RNF2: variants seen among roughly 807,000 people sequenced by gnomAD.
RNF2 encodes the protein ring finger protein 2.
A neutral mutation model predicts 37.2 loss-of-function variants in RNF2; 6 were observed. That is an observed-to-expected ratio of 0.16 (90% CI 0.09 to 0.32). The LOEUF (loss-of-function observed/expected upper bound fraction) is 0.32, where lower values mean the gene tolerates loss of function less well. Ranked by LOEUF, RNF2 falls within the 10% of genes least tolerant of loss-of-function variation. The probability of loss-of-function intolerance (pLI) is 1.00; values close to 1 mark genes in which losing one functional copy is unlikely to be tolerated. For missense variants in RNF2, 251 were observed against 404.0 expected (o/e 0.62, Z 3.25); for synonymous variants, 133 against 132.7 (o/e 1.00, Z -0.02).
At position 185,096,981 on chromosome 1, in the gene RNF2, C is replaced by T. The variant is rs1651930996; in HGVS notation, c.465-1091C>T. On this transcript the variant is annotated intron_variant, in intron 4 of 6. Coordinates refer to ENST00000367510, the MANE Select transcript of RNF2 (RefSeq NM_007212.4). ...TCATATTTCTTTTTCATTATATATT[C>T]CTTTTTTCTTATCTATACAGGTAGG... 4.6e-5 allele frequency among the ~76,000 whole-genome samples: 7 copies of T among 152,004 alleles called. No homozygotes were observed. In the South Asian group the frequency reaches 1.5e-3, roughly 32 times the overall value.
intron 1 of RNF2, among the ~76,000 whole-genome samples, chr1:185,075,138 C>T (rs536445195): frequency 2.6e-5 from 4 of 152,188 alleles, no homozygotes; most frequent in African/African-American, 7.2e-5. Flanking sequence ...GGATTACAGG[C>T]ACCCATCACC....
chr1:185,065,578 C>CA (rs1650776010), intron 1 of RNF2, among the ~76,000 whole-genome samples: 1 of 152,120 alleles, frequency 6.6e-6, no homozygotes, highest in South Asian at 2.1e-4. Flanking sequence ...CCAGACGCGC[C>CA]ACCTTTAAGA....
chr1:185,101,817 ATC>A lies in RNF2; in HGVS notation c.*1518_*1519del, dbSNP rs1383851553. 7.2e-6 allele frequency: 1 copy of A among 139,728 alleles called. No individual in the cohort carries two copies. Among genetic ancestry groups the A allele is most frequent in the Non-Finnish European group, 1.5e-5 (1 of 65,102 alleles). 8.7% of individuals were successfully genotyped at this position (139,728 alleles called of 1,614,324 possible). ...TACCATTTTATGGAAAATATTTAAA[ATC>A]TGTTTTTACAGGGTTTTTTTTTTTT... is the stretch of plus-strand genomic sequence containing the variant. On this transcript the variant is annotated 3_prime_UTR_variant, in exon 7 of 7. Coordinates refer to ENST00000367510, the MANE Select transcript of RNF2 (RefSeq NM_007212.4).
intron 1 of RNF2, among the ~76,000 whole-genome samples, chr1:185,077,598 G>GT (rs1362420597): frequency 1.4e-5 from 2 of 142,520 alleles, no homozygotes; most frequent in African/African-American, 5.3e-5. Flanking sequence ...CATATGTGTG[G>GT]TTTTTTAATT....
chr1:185,056,709 T>A (rs1296898645), intron 1 of RNF2, among the ~76,000 whole-genome samples: 2 of 137,636 alleles, frequency 1.5e-5, no homozygotes, highest in Non-Finnish European at 3.2e-5. Context: ...TTATTTTTAA[T>A]CCCTGTGTTC....
chr1:185,080,461 A>G (rs558222998), intron 1 of RNF2, among the ~76,000 whole-genome samples: 144 of 152,332 alleles, frequency 9.5e-4, no homozygotes, highest in African/African-American at 3.1e-3. Flanking sequence ...TCTCAAGAGT[A>G]TATCTGTTCA....
chr1:185,067,137 C>A (rs1056735705), intron 1 of RNF2, among the ~76,000 whole-genome samples: 4 of 152,110 alleles, frequency 2.6e-5, no homozygotes, highest in African/African-American at 4.8e-5. Flanking sequence ...GATATTGCTT[C>A]TTTAAATAAA....
intron 1 of RNF2, among the ~76,000 whole-genome samples, chr1:185,080,887 A>T (rs1651325864): frequency 6.6e-6 from 1 of 152,224 alleles, no homozygotes; most frequent in African/African-American, 2.4e-5. Flanking sequence ...GGTAGCGTTC[A>T]GTAGGCAGAA....
chr1:185,065,479 T>C (rs76690809), intron 1 of RNF2, among the ~76,000 whole-genome samples: 2,619 of 152,294 alleles, frequency 0.017, 89 homozygotes, highest in African/African-American at 0.059. Context: ...CACTACTACC[T>C]TTATGAGCTG....
At chr1:185,092,129 G>A (rs149338795) in intron 3 of RNF2, 2 of 160,422 alleles carry the variant, frequency 1.2e-5, no homozygotes, top group Non-Finnish European at 1.4e-5. Context: ...GCACCTGGCC[G>A]AGAAATACAT....
At chr1:185,076,055 A>G (rs1019783694) in intron 1 of RNF2, among the ~76,000 whole-genome samples, 3 of 151,928 alleles carry the variant, frequency 2.0e-5, no homozygotes, top group Admixed American at 6.6e-5. Flanking sequence ...TACTCAGTAT[A>G]TATTATCGTT....
At chr1:185,063,051 T>C (rs1557961937) in intron 1 of RNF2, among the ~76,000 whole-genome samples, 1 of 152,268 alleles carries the variant, frequency 6.6e-6, no homozygotes, top group Non-Finnish European at 1.5e-5. Context: ...ATTCCACTTC[T>C]AGGAATTTGT....
intron 1 of RNF2, among the ~76,000 whole-genome samples, chr1:185,059,650 T>C (rs754718586): frequency 6.6e-6 from 1 of 152,150 alleles, no homozygotes; most frequent in Non-Finnish European, 1.5e-5. Context: ...ATATGTTTGG[T>C]TGGGGGCTAA....
chr1:185,065,373 C>G (rs936799765), intron 1 of RNF2, among the ~76,000 whole-genome samples: 1 of 152,226 alleles, frequency 6.6e-6, no homozygotes, highest in Non-Finnish European at 1.5e-5. Flanking sequence ...ACCGAAGGCC[C>G]CAGTGGCAGC....
chr1:185,073,808 G>T (rs537162525), intron 1 of RNF2, among the ~76,000 whole-genome samples: 1 of 152,290 alleles, frequency 6.6e-6, no homozygotes, highest in African/African-American at 2.4e-5. Context: ...TAAATATGTG[G>T]TTTTTTGCTA....
At chr1:185,076,293 T>TTTTTG (rs1651158937) in intron 1 of RNF2, among the ~76,000 whole-genome samples, 1 of 78,278 alleles carries the variant, frequency 1.3e-5, no homozygotes, top group African/African-American at 4.8e-5. Flanking sequence ...TTTTTTTTTT[T>TTTTTG]TTTTTTTTTT....
chr1:185,047,108 T>C (rs1258097013), intron 1 of RNF2, among the ~76,000 whole-genome samples: 2 of 152,224 alleles, frequency 1.3e-5, no homozygotes, highest in African/African-American at 4.8e-5. Context: ...GACTCCTTTT[T>C]CTAGGGGTAG....
Position 185,100,192 on chromosome 1 carries a change from TG to T in RNF2, c.910-7del, listed in dbSNP as rs1442803324. The T allele has an allele frequency of 6.4e-7, 1 of 1,570,388 alleles. No individual in the cohort carries two copies. Among genetic ancestry groups the T allele is most frequent in the African/African-American group, 1.4e-5 (1 of 72,452 alleles). ...TTTTCATAATTTTTTCTTTCTTTTTTGTTTTAGGTATTAAATGGCTCTTTTT... is the reference window on the plus strand; with the variant it reads ...TTTTCATAATTTTTTCTTTCTTTTTTTTTTAGGTATTAAATGGCTCTTTTT... On this transcript the variant is annotated splice_region_variant and splice_polypyrimidine_tract_variant and intron_variant, in intron 6 of 6. Transcript: ENST00000367510.
chr1:185,048,714 T>C (rs1448395486), intron 1 of RNF2, among the ~76,000 whole-genome samples: 1 of 152,050 alleles, frequency 6.6e-6, no homozygotes, highest in Non-Finnish European at 1.5e-5. Flanking sequence ...AGTGGAGTTG[T>C]ATGAAGAGGT....
Sources: allele counts gnomAD v4.1 joint callset (sites outside exome capture counted in the v4.1 genomes callset), GRCh38; gene constraint gnomAD v4.1.1; transcripts MANE v1.5; gene names NCBI Gene and HGNC (gene_info 2026-07-23, HGNC 2026-07-21).